Variants in EHBP1 observed in about 807,000 individuals in gnomAD.
EHBP1 encodes EH domain binding protein 1.
EHBP1 carries 55 observed loss-of-function variants against 144.0 expected under a neutral mutation model. The ratio of observed to expected loss-of-function variants is 0.38; its 90% CI spans 0.31 to 0.48. The LOEUF (loss-of-function observed/expected upper bound fraction) is 0.48. Among genes scored for constraint, EHBP1 ranks in the 20% least tolerant of loss-of-function variants. EHBP1 has a pLI of 0.98. For missense variants in EHBP1, 1,200 were observed against 1,364.2 expected (o/e 0.88, Z 1.90); for synonymous variants, 469 against 472.7 (o/e 0.99, Z 0.10).
chr2:62,959,293 G>C (rs1000030829), intron 14 of EHBP1, among the ~76,000 whole-genome samples: 3 of 152,076 alleles, frequency 2.0e-5, no homozygotes, highest in Non-Finnish European at 4.4e-5. Context: ...ACATTTAGGT[G>C]GTTTTCACAT....
intron 10 of EHBP1, among the ~76,000 whole-genome samples, chr2:62,898,515 A>G (rs2152935970): frequency 6.6e-6 from 1 of 152,286 alleles, no homozygotes; most frequent in East Asian, 1.9e-4. Flanking sequence ...TTTTCTAACA[A>G]CTCAGTCCCT....
At chr2:62,850,798 A>AT (rs1178314457) in intron 7 of EHBP1, among the ~76,000 whole-genome samples, 1 of 152,142 alleles carries the variant, frequency 6.6e-6, no homozygotes, top group African/African-American at 2.4e-5. Context: ...TTTTAAGTTA[A>AT]TTTTTTCCGA....
chr2:63,009,322 G>C (rs2153233306), intron 19 of EHBP1, among the ~76,000 whole-genome samples: 1 of 151,666 alleles, frequency 6.6e-6, no homozygotes, highest in Middle Eastern at 3.4e-3. Context: ...ATAAAGTTCA[G>C]ATGTCCTGTA....
At chr2:62,874,009 T>C (rs548889387) in intron 9 of EHBP1, among the ~76,000 whole-genome samples, 10 of 152,268 alleles carry the variant, frequency 6.6e-5, no homozygotes, top group African/African-American at 2.4e-4. Context: ...AAATTGACAT[T>C]TTTTACATCT....
At chr2:62,715,960 G>A (rs1232520637) in intron 2 of EHBP1, among the ~76,000 whole-genome samples, 3 of 152,190 alleles carry the variant, frequency 2.0e-5, no homozygotes, top group South Asian at 2.1e-4. Context: ...CTAAGATAAC[G>A]TCAAAATTTC....
At position 62,990,821 on chromosome 2, in the gene EHBP1, G is replaced by C; in HGVS notation, c.2714G>C (p.Ser905Thr). Residue 905 changes from serine to threonine, a missense_variant, in exon 16 of 23, where the codon AGC (serine) becomes ACC (threonine). This residue lies in a region of EHBP1 where 543 missense variants were observed against 513.1 expected (regional missense o/e 1.06). Coordinates refer to ENST00000431489, the MANE Select transcript of EHBP1 (RefSeq NM_001142616.3). ...GCTGCCCAGAAAGCTGTAACTGAGA[G>C]CTCAGAGCAGGACATGAAAGTAAGT... ...SSAAQKAVTE[S>T]SEQDMKSGTE... 6.2e-7 allele frequency: 1 copy of C among 1,613,608 alleles called. No homozygotes were observed.
rs371774906 is a variant in EHBP1, at chr2:62,755,083, C to T, written c.162+7631C>T. Among the ~76,000 whole-genome samples the T allele has an allele frequency of 5.9e-5, 9 of 152,236 alleles. No homozygotes were observed. In the South Asian group the frequency reaches 8.3e-4, roughly 14 times the overall value. On this transcript the variant is annotated intron_variant, in intron 3 of 22. Transcript: ENST00000431489. ...ATCACCTGTCTTCTGCATCGCTCAA[C>T]GCTGGGAGCTGTAGACTGGAGCTGT...
chr2:62,734,256 G>A (rs999546057), intron 2 of EHBP1, among the ~76,000 whole-genome samples: 5 of 151,634 alleles, frequency 3.3e-5, no homozygotes, highest in Admixed American at 6.6e-5. Flanking sequence ...CATAGTGAAA[G>A]TATTTCTCTA....
chr2:62,859,174 A>T lies in EHBP1; in HGVS notation c.640A>T (p.Ile214Phe). 1 of 1,610,870 alleles carries T rather than the reference A, an allele frequency of 6.2e-7. No homozygotes were observed. The highest frequency in any genetic ancestry group is 8.5e-7 in the Non-Finnish European group (1 of 1,177,958). ...ACCCATATGTTTATTTTCAGAGCTTATCAACAAACTTAACTTTTTGGATGA... is the reference window on the plus strand; with the variant it reads ...ACCCATATGTTTATTTTCAGAGCTTTTCAACAAACTTAACTTTTTGGATGA... Reference protein sequence around the residue: ...EEKAAKITELINKLNFLDEAE... With the variant: ...EEKAAKITELFNKLNFLDEAE... Residue 214 changes from isoleucine (I) to phenylalanine (F), a missense_variant, in exon 8 of 23, where the codon ATC becomes TTC. Coordinates refer to ENST00000431489, the MANE Select transcript of EHBP1 (RefSeq NM_001142616.3).
At chr2:62,925,278 T>C (rs1033922007) in intron 10 of EHBP1, among the ~76,000 whole-genome samples, 1 of 152,034 alleles carries the variant, frequency 6.6e-6, no homozygotes, top group African/African-American at 2.4e-5. Flanking sequence ...GCTTTTTCTG[T>C]CAGAAGTGGA....
At chr2:62,857,073 G>A (rs1237079064) in intron 7 of EHBP1, among the ~76,000 whole-genome samples, 1 of 152,122 alleles carries the variant, frequency 6.6e-6, no homozygotes, top group African/African-American at 2.4e-5. Context: ...GCTGGAAAAG[G>A]GAGGGAAGCA....
intron 5 of EHBP1, among the ~76,000 whole-genome samples, chr2:62,802,187 A>G (rs1232366950): frequency 6.6e-6 from 1 of 152,230 alleles, no homozygotes; most frequent in East Asian, 1.9e-4. Context: ...TGATACCTTA[A>G]CCCATGGTTC....
rs200927057 is a variant in EHBP1, at chr2:62,771,349, C to T, written c.269C>T (p.Ala90Val). ...TTGCTTTTGTTACAGGATCCTCATG[C>T]GGAAGAATTTGAAGACAAAGAGTGG... ...ITVTLFKDPH[A>V]EEFEDKEWTF... is the part of the protein sequence containing the mutation. The change falls in exon 5 of 23, where the codon GCG becomes GTG. Residue 90 changes from alanine (A) to valine (V), a missense_variant. By Grantham distance (64) the Ala-to-Val change is moderately conservative (BLOSUM62 0). Around this residue, in one of 6 missense-constraint regions of EHBP1, gnomAD observed 137 missense variants for 190.1 expected, o/e 0.72. Transcript: ENST00000431489. The T allele has an allele frequency of 1.7e-4, 264 of 1,591,246 alleles. No individual in the cohort carries two copies. Among genetic ancestry groups the T allele is most frequent in the Middle Eastern group, 3.3e-4 (2 of 6,006 alleles).
intron 1 of EHBP1, among the ~76,000 whole-genome samples, chr2:62,683,730 CTAGGAAAGAAGGGGGAAT>C (rs1159206209): frequency 8.0e-5 from 11 of 138,072 alleles, no homozygotes; most frequent in African/African-American, 3.0e-4. Flanking sequence ...AGTGGAAAAA[CTAGGAAAGAAGGGGGAAT>C]TAATGTCAGG....
At chr2:62,695,988 C>T (rs1263325762) in intron 1 of EHBP1, among the ~76,000 whole-genome samples, 1 of 152,118 alleles carries the variant, frequency 6.6e-6, no homozygotes, top group East Asian at 1.9e-4. Flanking sequence ...GCTGGGATTA[C>T]AGGCATGAGC....
At chr2:62,944,418 A>ATGG (rs1274014413) in intron 12 of EHBP1, among the ~76,000 whole-genome samples, 2 of 152,196 alleles carry the variant, frequency 1.3e-5, no homozygotes, top group Non-Finnish European at 1.5e-5. Flanking sequence ...AGATACACAA[A>ATGG]TACCATTGTG....
In EHBP1 at chr2:62,993,868, A is replaced by G. The variant is rs2059522661; in HGVS notation, c.2873-3A>G. 1.3e-6 allele frequency: 2 copies of G among 1,519,948 alleles called. No homozygotes were observed. The allele number at this position is 1,519,948 out of a possible 1,614,324, so 94.2% of individuals were successfully genotyped here. ...TACATGTCTTTCCTCTTTTTTTTTTAAGAGATGAAAAGGCAGAGATCAATA... is the reference window on the plus strand; with the variant it reads ...TACATGTCTTTCCTCTTTTTTTTTTGAGAGATGAAAAGGCAGAGATCAATA... On this transcript the variant is annotated splice_region_variant and splice_polypyrimidine_tract_variant and intron_variant, in intron 17 of 22. Transcript: ENST00000431489.
intron 7 of EHBP1, among the ~76,000 whole-genome samples, chr2:62,853,452 C>T (rs1458379925): frequency 6.6e-6 from 1 of 152,220 alleles, no homozygotes; most frequent in Non-Finnish European, 1.5e-5. Context: ...TGCTGGTTCT[C>T]TTGCTATTTC....
intron 10 of EHBP1, among the ~76,000 whole-genome samples, chr2:62,938,384 C>A (rs2056526105): frequency 6.6e-6 from 1 of 152,062 alleles, no homozygotes; most frequent in African/African-American, 2.4e-5. Context: ...GGAAGAAGGG[C>A]AGACAGCAAA....
Sources: gnomAD v4.1 joint callset for allele counts (sites outside exome capture counted in the v4.1 genomes callset) on GRCh38, gnomAD v4.1.1 for gene constraint, gnomAD v4.1.1 regional missense constraint, MANE v1.5 for transcripts, NCBI Gene and HGNC (gene_info 2026-07-23, HGNC 2026-07-21) for gene names.